FAT3: variants seen among roughly 807,000 people sequenced by gnomAD.
FAT3 encodes protocadherin Fat 3.
A neutral mutation model predicts 310.2 loss-of-function variants in FAT3; 95 were observed. The ratio of observed to expected loss-of-function variants is 0.31; its 90% CI spans 0.26 to 0.36. The LOEUF (loss-of-function observed/expected upper bound fraction) is 0.36. Among genes scored for constraint, FAT3 ranks in the 10% least tolerant of loss-of-function variants. The pLI is 1.00. For synonymous variants in FAT3, 2,314 were observed against 2,192.9 expected (o/e 1.06, Z -1.54); for missense variants, 5,408 against 5,715.6 (o/e 0.95, Z 1.74).
chr11:92,527,907 A>G (rs1953926991), intron 3 of FAT3, among the ~76,000 whole-genome samples: 1 of 152,100 alleles, frequency 6.6e-6, no homozygotes. Flanking sequence ...TATGCTTTAG[A>G]TTTTTTTCTC....
At chr11:92,265,358 A>G (rs1945909625) in intron 1 of FAT3, among the ~76,000 whole-genome samples, 1 of 151,864 alleles carries the variant, frequency 6.6e-6, no homozygotes, top group East Asian at 2.0e-4. Flanking sequence ...TTCAGTATTG[A>G]CTGCGTTCCA....
intron 3 of FAT3, among the ~76,000 whole-genome samples, chr11:92,624,186 C>T (rs898471535): frequency 2.0e-5 from 3 of 152,142 alleles, no homozygotes; most frequent in African/African-American, 7.2e-5. Context: ...TCAGGGAAAG[C>T]TTCTCAGAGA....
At chr11:92,665,296 A>ATC (rs1476835559) in intron 3 of FAT3, among the ~76,000 whole-genome samples, 1 of 152,180 alleles carries the variant, frequency 6.6e-6, no homozygotes, top group Non-Finnish European at 1.5e-5. Context: ...GGTTGACCAG[A>ATC]TGCCTCTCAC....
In FAT3 at chr11:92,837,700, G is replaced by A. The variant is rs1169484590; in HGVS notation, c.10262G>A (p.Ser3421Asn). 1 of 1,613,948 alleles carries A rather than the reference G, an allele frequency of 6.2e-7. No homozygotes were observed. Among genetic ancestry groups the A allele is most frequent in the Non-Finnish European group, 8.5e-7 (1 of 1,179,880 alleles). The change falls in exon 17 of 28, where the codon AGT becomes AAT. Residue 3421 changes from serine to asparagine, a missense_variant. Transcript: ENST00000525166. Reference sequence around the variant, plus strand: ...TCTCTGCTTGTCCAGGCCGTAGACAGTGGCATTCCTGCAATGTCATCAACT... The same window carrying A: ...TCTCTGCTTGTCCAGGCCGTAGACAATGGCATTCCTGCAATGTCATCAACT... ...GYSLLVQAVD[S>N]GIPAMSSTAT...
chr11:92,469,813 C>G (rs1951862940), intron 2 of FAT3, among the ~76,000 whole-genome samples: 1 of 151,954 alleles, frequency 6.6e-6, no homozygotes, highest in Non-Finnish European at 1.5e-5. Context: ...CCGCACCTGG[C>G]CTAATTTGTG....
chr11:92,533,579 G>T (rs1157358856), intron 3 of FAT3, among the ~76,000 whole-genome samples: 1 of 152,180 alleles, frequency 6.6e-6, no homozygotes, highest in Non-Finnish European at 1.5e-5. Context: ...TACAGGCAGG[G>T]ATAGGGAGCT....
At chr11:92,390,498 TTA>T (rs1949725009) in intron 2 of FAT3, among the ~76,000 whole-genome samples, 1 of 152,124 alleles carries the variant, frequency 6.6e-6, no homozygotes, top group Non-Finnish European at 1.5e-5. Context: ...TCACCATCAC[TTA>T]CCATGCCTTC....
At chr11:92,433,866 A>C (rs564102499) in intron 2 of FAT3, among the ~76,000 whole-genome samples, 1 of 152,032 alleles carries the variant, frequency 6.6e-6, no homozygotes, top group East Asian at 1.9e-4. Context: ...AATACAAAAA[A>C]TTAGCTGGAT....
At chr11:92,309,925 T>C (rs575983211) in intron 1 of FAT3, among the ~76,000 whole-genome samples, 33 of 152,104 alleles carry the variant, frequency 2.2e-4, no homozygotes, top group African/African-American at 7.7e-4. Flanking sequence ...GGAATGAGAG[T>C]TAGTGCTCGA....
At chr11:92,888,341 C>T (rs1415437830) in intron 25 of FAT3, among the ~76,000 whole-genome samples, 2 of 152,158 alleles carry the variant, frequency 1.3e-5, no homozygotes, top group Non-Finnish European at 2.9e-5. Flanking sequence ...GGCTAGTTTG[C>T]ACTTTATATA....
In FAT3 at chr11:92,248,948, T is replaced by A. The variant is rs193092712; in HGVS notation, c.-18+23774T>A. On this transcript the variant is annotated intron_variant, in intron 1 of 27. Coordinates refer to ENST00000525166, the MANE Select transcript of FAT3 (RefSeq NM_001367949.2). Reference sequence around the variant, plus strand: ...TTTAATCTTACAGATAGATTGAGGTTCGGAGAAAGTGAATGGATTACCTAC... The same window carrying A: ...TTTAATCTTACAGATAGATTGAGGTACGGAGAAAGTGAATGGATTACCTAC... Among the ~76,000 whole-genome samples the A allele has an allele frequency of 3.9e-4, 60 of 152,208 alleles. 1 individual carries two copies. In the East Asian group the frequency reaches 9.3e-3, roughly 24 times the overall value.
chr11:92,885,872 C>G (rs1331573470), intron 24 of FAT3, among the ~76,000 whole-genome samples: 1 of 152,214 alleles, frequency 6.6e-6, no homozygotes, highest in Non-Finnish European at 1.5e-5. Context: ...GTCTCCCTGG[C>G]ATATCTCTCC....
At chr11:92,268,054 A>G (rs547113121) in intron 1 of FAT3, among the ~76,000 whole-genome samples, 93 of 142,874 alleles carry the variant, frequency 6.5e-4, no homozygotes, top group African/African-American at 2.4e-3. Context: ...AAGTCCTTCA[A>G]AAAAAAAAAA....
intron 2 of FAT3, among the ~76,000 whole-genome samples, chr11:92,466,063 C>G (rs1471034764): frequency 6.6e-6 from 1 of 152,080 alleles, no homozygotes; most frequent in East Asian, 1.9e-4. Flanking sequence ...GTACTATTGT[C>G]CTACCTTCCA....
At chr11:92,339,908 C>T (rs369814696) in intron 1 of FAT3, among the ~76,000 whole-genome samples, 1 of 151,910 alleles carries the variant, frequency 6.6e-6, no homozygotes, top group Non-Finnish European at 1.5e-5. Flanking sequence ...GTCAGGAGAT[C>T]GAGACCATCC....
intron 1 of FAT3, among the ~76,000 whole-genome samples, chr11:92,306,002 T>C (rs1947107305): frequency 6.6e-6 from 1 of 152,170 alleles, no homozygotes; most frequent in South Asian, 2.1e-4. Context: ...CTGGAAAAGC[T>C]GAGTAAAGGG....
intron 13 of FAT3, 42 bp downstream of exon 13, chr11:92,810,118 T>A: frequency 6.4e-7 from 1 of 1,568,186 alleles, no homozygotes; most frequent in Non-Finnish European, 8.7e-7. Context: ...CAGTGGACAC[T>A]TTGTCTTCAG....
At chr11:92,418,141 A>G (rs1484398612) in intron 2 of FAT3, among the ~76,000 whole-genome samples, 2 of 152,182 alleles carry the variant, frequency 1.3e-5, no homozygotes, top group Non-Finnish European at 2.9e-5. Flanking sequence ...TTCCAACTCT[A>G]TTCCATCAAC....
rs922906442 is a variant in FAT3 at position 92,895,921 on chromosome 11, C to CAT, written c.*4809_*4810insTA. 4.0e-5 allele frequency: 6 copies of CAT among 150,524 alleles called. No individual in the cohort carries two copies. The highest frequency in any genetic ancestry group is 1.5e-4 in the African/African-American group (6 of 41,084). The allele number at this position is 150,524 out of a possible 1,614,324, so 9.3% of individuals were successfully genotyped here. A position where few individuals can be genotyped will look rare whatever the true frequency, so the allele number is the denominator to read the frequency against. The stretch of plus-strand genomic sequence containing the variant: ...GGTCTGCAAACTTTTGAGGTAACTA[C>CAT]ACACACACACACACACACAAGGATT... On this transcript the variant is annotated 3_prime_UTR_variant, in exon 28 of 28. Coordinates refer to ENST00000525166, the MANE Select transcript of FAT3 (RefSeq NM_001367949.2).
Sources: gnomAD v4.1 joint callset for allele counts (sites outside exome capture counted in the v4.1 genomes callset) on GRCh38, gnomAD v4.1.1 for gene constraint, MANE v1.5 for transcripts, NCBI Gene and HGNC (gene_info 2026-07-23, HGNC 2026-07-21) for gene names.